POLR3H: variants seen among roughly 807,000 people sequenced by gnomAD.
POLR3H encodes the protein RNA polymerase III subunit H, also known as DNA-directed RNA polymerase III subunit RPC8.
A neutral mutation model predicts 25.5 loss-of-function variants in POLR3H; 17 were observed. The ratio of observed to expected loss-of-function variants is 0.67; its 90% CI spans 0.46 to 1.00. The LOEUF (loss-of-function observed/expected upper bound fraction) is 1.00. Among genes scored for constraint, POLR3H ranks in the 50% least tolerant of loss-of-function variants. The probability of loss-of-function intolerance (pLI) is 0.00; values close to 1 mark genes in which losing one functional copy is unlikely to be tolerated. For synonymous variants in POLR3H, 129 were observed against 103.0 expected (o/e 1.25, Z -1.53); for missense variants, 274 against 265.0 (o/e 1.03, Z -0.24).
In POLR3H at chr22:41,530,819, G is replaced by A. The variant is rs1433195745; in HGVS notation, c.429C>T (p.Asp143=). The A allele has an allele frequency of 6.2e-7, 1 of 1,614,142 alleles. No individual in the cohort carries two copies. The highest frequency in any genetic ancestry group is 1.7e-5 in the Admixed American group (1 of 60,030). ...TEEGAHDLYM[D]TGEEIRFRVV... ...CCCGGAAGCGGATCTCCTCGCCGGT[G>A]TCCATGTAGAGGTCGTGTGCTCCTT... Residue 143 remains aspartate (D), a synonymous_variant, in exon 5 of 6, where the codon GAC becomes GAT. Transcript: ENST00000355209.
At chr22:41,533,775 C>G (rs2066791625) in intron 2 of POLR3H, 2 of 1,184,130 alleles carry the variant, frequency 1.7e-6, no homozygotes, top group Non-Finnish European at 2.3e-6. Context: ...TGAGGGCGGC[C>G]AAGGGCCACT....
chr22:41,529,453 G>A, intron 5 of POLR3H, 117 bp from the exon 6 acceptor site: 2 of 839,400 alleles, frequency 2.4e-6, no homozygotes, highest in Non-Finnish European at 3.9e-6. Context: ...GGGGCACACG[G>A]CAGCCAAGAG....
chr22:41,537,696 T>G (rs1251542630), intron 2 of POLR3H, among the ~76,000 whole-genome samples: 1 of 152,176 alleles, frequency 6.6e-6, no homozygotes, highest in Admixed American at 6.5e-5. Flanking sequence ...GTCCTTGTGA[T>G]CACTCCATGC....
chr22:41,532,423 T>C (rs1179056516), intron 3 of POLR3H, among the ~76,000 whole-genome samples: 1 of 152,202 alleles, frequency 6.6e-6, no homozygotes, highest in East Asian at 1.9e-4. Context: ...TCCCAGTCAC[T>C]TCCGCCAGCT....
chr22:41,529,793 TCACC>T, intron 5 of POLR3H: 1 of 433,480 alleles, frequency 2.3e-6, no homozygotes, highest in Admixed American at 2.7e-5. Flanking sequence ...TCTCGCACTG[TCACC>T]CGGGCTGGAG....
Position 41,543,590 on chromosome 22 carries a change from C to T in POLR3H, c.111+401G>A, listed in dbSNP as rs554813047. ...GAGCCGAGATCGCGCCACTGCACTC[C>T]AGCCTGGACGAAAGAGCAAGACTCC... On this transcript the variant is annotated intron_variant, in intron 1 of 5. Coordinates refer to ENST00000355209, the MANE Select transcript of POLR3H (RefSeq NM_001018050.4). Among the ~76,000 whole-genome samples, 6 of 152,254 alleles carry T rather than the reference C, an allele frequency of 3.9e-5. No homozygotes were observed. The East Asian group carries it at 9.7e-4, about 25-fold the overall frequency.
chr22:41,535,087 T>G (rs2145555568), intron 2 of POLR3H, among the ~76,000 whole-genome samples: 1 of 152,232 alleles, frequency 6.6e-6, no homozygotes, highest in South Asian at 2.1e-4. Flanking sequence ...AACTTGCATC[T>G]AGAATTTTTA....
intron 2 of POLR3H, among the ~76,000 whole-genome samples, chr22:41,538,235 T>G (rs573854706): frequency 2.0e-5 from 3 of 150,578 alleles, no homozygotes; most frequent in Non-Finnish European, 4.4e-5. Context: ...CTGGGTTCAC[T>G]CCATTCTCCT....
In POLR3H at chr22:41,526,553, G is replaced by A. The variant is rs1478751028; in HGVS notation, c.*2730C>T. On this transcript the variant is annotated 3_prime_UTR_variant, in exon 6 of 6. Transcript: ENST00000355209. ...TTAGGGGAGTGGAAACTGGGAAGGA[G>A]GCCGACCAAGCCCAAAGGGGACTGC... The A allele has an allele frequency of 4.4e-6, 6 of 1,365,984 alleles. No homozygotes were observed. The highest frequency in any genetic ancestry group is 2.4e-5 in the East Asian group (1 of 41,866). The allele number at this position is 1,365,984 out of a possible 1,614,324, so 84.6% of individuals were successfully genotyped here.
In POLR3H at chr22:41,544,148, C is replaced by G. The variant is rs2066980039; in HGVS notation, c.-47G>C. 1 of 1,224,730 alleles carries G rather than the reference C, an allele frequency of 8.2e-7. No homozygotes were observed. Among genetic ancestry groups the G allele is most frequent in the Non-Finnish European group, 1.2e-6 (1 of 839,260 alleles). The allele number at this position is 1,224,730 out of a possible 1,614,324, so 75.9% of individuals were successfully genotyped here. On this transcript the variant is annotated 5_prime_UTR_variant, in exon 1 of 6. Transcript: ENST00000355209. Reference sequence around the variant, plus strand: ...TGGGAACAGGAGGGTCAGTCACGCACCAGGGCCGGGGGCAGGGAGAATCCC... The same window carrying G: ...TGGGAACAGGAGGGTCAGTCACGCAGCAGGGCCGGGGGCAGGGAGAATCCC...
At position 41,526,231 on chromosome 22, in the gene POLR3H, T is replaced by C. The variant is rs2066592934; in HGVS notation, c.*3052A>G. On this transcript the variant is annotated 3_prime_UTR_variant, in exon 6 of 6. Coordinates refer to ENST00000355209, the MANE Select transcript of POLR3H (RefSeq NM_001018050.4). ...CATCCACCCCTCCAGGGCCATGCCC[T>C]GACCTCTGTCCTCTCTACTTACCAC... is the stretch of plus-strand genomic sequence containing the variant. 1 of 1,597,478 alleles carries C rather than the reference T, an allele frequency of 6.3e-7. No homozygotes were observed. Among genetic ancestry groups the C allele is most frequent in the Non-Finnish European group, 8.5e-7 (1 of 1,169,632 alleles).
intron 1 of POLR3H, chr22:41,543,648 C>CA (rs759896692): frequency 2.4e-4 from 99 of 412,752 alleles, no homozygotes; most frequent in Middle Eastern, 1.1e-3. Flanking sequence ...CAAAACAAAA[C>CA]AAACAACAAC....
intron 2 of POLR3H, among the ~76,000 whole-genome samples, chr22:41,533,369 G>GAGTC (rs549220261): frequency 7.6e-4 from 115 of 152,170 alleles, no homozygotes; most frequent in Non-Finnish European, 1.4e-3. Context: ...CCCAAAGTAG[G>GAGTC]AGTCCAACGC....
chr22:41,528,739 C>T lies in POLR3H; in HGVS notation c.*544G>A. ...TGTGACCAGACATGCTTCCTGCTCC[C>T]CGCTTAGCCCACGGAGTGACTGTGG... On this transcript the variant is annotated 3_prime_UTR_variant, in exon 6 of 6. Coordinates refer to ENST00000355209, the MANE Select transcript of POLR3H (RefSeq NM_001018050.4). 7.4e-7 allele frequency: 1 copy of T among 1,348,190 alleles called. No individual in the cohort carries two copies. The highest frequency in any genetic ancestry group is 9.9e-7 in the Non-Finnish European group (1 of 1,007,780). 83.5% of individuals were successfully genotyped at this position (1,348,190 alleles called of 1,614,324 possible).
At chr22:41,536,374 G>A (rs945885358) in intron 2 of POLR3H, among the ~76,000 whole-genome samples, 4 of 151,788 alleles carry the variant, frequency 2.6e-5, no homozygotes, top group African/African-American at 9.7e-5. Context: ...CAGCCTGGGC[G>A]ACAGAGCGAG....
chr22:41,529,812 G>C, intron 5 of POLR3H: 1 of 416,440 alleles, frequency 2.4e-6, no homozygotes, highest in Non-Finnish European at 4.8e-6. Context: ...CTGGAGTGGA[G>C]TGGCACGATC....
chr22:41,527,150 G>C lies in POLR3H; in HGVS notation c.*2133C>G, dbSNP rs1412735469. The C allele has an allele frequency of 1.5e-6, 2 of 1,315,156 alleles. No homozygotes were observed. The highest frequency in any genetic ancestry group is 2.1e-5 in the Admixed American group (1 of 48,578). The allele number at this position is 1,315,156 out of a possible 1,614,324, so 81.5% of individuals were successfully genotyped here. A position where few individuals can be genotyped will look rare whatever the true frequency, so the allele number is the denominator to read the frequency against. On this transcript the variant is annotated 3_prime_UTR_variant, in exon 6 of 6. Transcript: ENST00000355209. ...TCACTTGCCCTTAGGCAGCAGGCGAGGAAGGGCCCCTCCAGCCCCTTTACC... is the reference window on the plus strand; with the variant it reads ...TCACTTGCCCTTAGGCAGCAGGCGACGAAGGGCCCCTCCAGCCCCTTTACC...
rs1425183663 is a variant in POLR3H, at chr22:41,526,519, G to T, written c.*2764C>A. 3.3e-5 allele frequency: 51 copies of T among 1,540,220 alleles called. 1 individual carries two copies. The highest frequency in any genetic ancestry group is 4.1e-5 in the Non-Finnish European group (47 of 1,136,028). ...TGAAGGGGCCTGCAAGGCAGGTGCA[G>T]GGAGGACATTAGGGGAGTGGAAACT... On this transcript the variant is annotated 3_prime_UTR_variant, in exon 6 of 6. Coordinates refer to ENST00000355209, the MANE Select transcript of POLR3H (RefSeq NM_001018050.4).
At position 41,526,626 on chromosome 22, in the gene POLR3H, C is replaced by G. The variant is rs149793884; in HGVS notation, c.*2657G>C. ...CAGCCCCTCCCTGTGGCTGAGAAGG[C>G]ATGAGGCCCAGGTCCGGTGGTACAG... On this transcript the variant is annotated 3_prime_UTR_variant, in exon 6 of 6. Transcript: ENST00000355209. The G allele has an allele frequency of 1.3e-3, 836 of 634,472 alleles. 2 individuals are homozygous for G. The highest frequency in any genetic ancestry group is 8.9e-3 in the Middle Eastern group (20 of 2,248). The allele number at this position is 634,472 out of a possible 1,614,324, so 39.3% of individuals were successfully genotyped here.
Sources: allele counts gnomAD v4.1 joint callset (sites outside exome capture counted in the v4.1 genomes callset), GRCh38; gene constraint gnomAD v4.1.1; transcripts MANE v1.5; gene names NCBI Gene and HGNC (gene_info 2026-07-23, HGNC 2026-07-21).